ACSL6: variants seen among roughly 807,000 people sequenced by gnomAD.
ACSL6 encodes acyl-CoA synthetase long chain family member 6, also known as long-chain-fatty-acid--CoA ligase 6.
Under a neutral mutation model 98.2 loss-of-function variants are expected in ACSL6, and 47 were observed. The ratio of observed to expected loss-of-function variants is 0.48; its 90% CI spans 0.38 to 0.61. ACSL6 has a LOEUF of 0.61. Ranked by LOEUF, ACSL6 falls within the 20% of genes least tolerant of loss-of-function variation. The pLI is 0.00. For missense variants in ACSL6, 761 were observed against 913.4 expected, an observed-to-expected ratio of 0.83 and a Z score of 2.15; for synonymous variants, 362 against 336.9, an observed-to-expected ratio of 1.07 and a Z score of -0.82.
chr5:131,970,309 G>A, intron 14 of ACSL6, 109 bp from the exon 15 acceptor site: 1 of 938,858 alleles, frequency 1.1e-6, no homozygotes, highest in Admixed American at 1.9e-5. Context: ...ACTGCTTCAT[G>A]ATCAGGGCGA....
intron 17 of ACSL6, among the ~76,000 whole-genome samples, chr5:131,964,611 T>C (rs555331186): frequency 6.6e-6 from 1 of 152,238 alleles, no homozygotes; most frequent in East Asian, 1.9e-4. Flanking sequence ...GCTTTTACAA[T>C]ATTGAGGGCC....
At chr5:131,995,465 G>T (rs1327397727) in intron 1 of ACSL6, among the ~76,000 whole-genome samples, 1 of 152,120 alleles carries the variant, frequency 6.6e-6, no homozygotes, top group African/African-American at 2.4e-5. Flanking sequence ...GCCCAGTGAT[G>T]GCAGGGTGGG....
chr5:131,981,484 A>T (rs1753893830), intron 9 of ACSL6, among the ~76,000 whole-genome samples: 1 of 152,082 alleles, frequency 6.6e-6, no homozygotes, highest in South Asian at 2.1e-4. Flanking sequence ...AGCATCCCAG[A>T]GGCTCCCTTA....
At chr5:131,973,427 A>G in intron 11 of ACSL6, 27 bp from the exon 12 acceptor site, 1 of 1,611,774 alleles carries the variant, frequency 6.2e-7, no homozygotes. Context: ...GGAAGGGAGG[A>G]GTCCCTTAGG....
intron 1 of ACSL6, among the ~76,000 whole-genome samples, chr5:131,995,513 C>T (rs1448458536): frequency 6.6e-6 from 1 of 152,166 alleles, no homozygotes; most frequent in Non-Finnish European, 1.5e-5. Flanking sequence ...GCACCCTCCT[C>T]ACAGGCCCTA....
rs145913002 is a variant in ACSL6 at position 131,966,323 on chromosome 5, G to A, written c.1713+93C>T. ...TGCTCCTGAATGACTCATTGTCAGGGGGGATTTGGAGAAGACTCCTGCCTC... is the reference window on the plus strand; with the variant it reads ...TGCTCCTGAATGACTCATTGTCAGGAGGGATTTGGAGAAGACTCCTGCCTC... On this transcript the variant is annotated intron_variant, in intron 17 of 20. Coordinates refer to ENST00000651883, the MANE Select transcript of ACSL6 (RefSeq NM_001009185.3). 386 of 1,227,238 alleles carry A rather than the reference G, an allele frequency of 3.1e-4. 2 individuals are homozygous for A. The African/African-American group carries it at 4.6e-3, about 15-fold the overall frequency. 76.0% of individuals were successfully genotyped at this position (1,227,238 alleles called of 1,614,324 possible).
chr5:131,986,754 G>C, intron 8 of ACSL6, 68 bp downstream of exon 8: 1 of 1,570,444 alleles, frequency 6.4e-7, no homozygotes, highest in Non-Finnish European at 8.8e-7. Flanking sequence ...TGCACAGTGA[G>C]GGACTCTGTG....
chr5:131,999,785 C>G (rs1271460883), intron 1 of ACSL6, among the ~76,000 whole-genome samples: 1 of 152,200 alleles, frequency 6.6e-6, no homozygotes, highest in Non-Finnish European at 1.5e-5. Context: ...CAGCTCAGAG[C>G]CAAGCAACCC....
intron 2 of ACSL6, among the ~76,000 whole-genome samples, chr5:131,991,814 C>G (rs1391010599): frequency 1.2e-5 from 1 of 84,822 alleles, no homozygotes; most frequent in Non-Finnish European, 4.1e-5. Context: ...AACAGCAGGT[C>G]TAAGGAAAAA....
At chr5:131,997,627 A>C (rs769903854) in intron 1 of ACSL6, among the ~76,000 whole-genome samples, 3 of 152,312 alleles carry the variant, frequency 2.0e-5, no homozygotes, top group South Asian at 2.1e-4. Context: ...CTGGCCTTAC[A>C]TCAAGAACTC....
chr5:132,006,938 CCTAGCA>C (rs1223693926), intron 1 of ACSL6: 1 of 152,150 alleles, frequency 6.6e-6, no homozygotes, highest in African/African-American at 2.4e-5. Context: ...AGCCTAGCAT[CCTAGCA>C]GGAGCACACT....
intron 3 of ACSL6, 84 bp from the exon 4 acceptor site, chr5:131,990,248 G>A: frequency 7.4e-7 from 1 of 1,358,626 alleles, no homozygotes. Context: ...AACCTGGATG[G>A]ACATCCCATA....
At chr5:131,962,133 T>G (rs149352836) in intron 18 of ACSL6, among the ~76,000 whole-genome samples, 2 of 151,728 alleles carry the variant, frequency 1.3e-5, no homozygotes, top group Non-Finnish European at 2.9e-5. Context: ...AGGAGGGAGA[T>G]TGAGGCTGCA....
At chr5:131,975,989 G>C in intron 10 of ACSL6, 10 of 985,462 alleles carry the variant, frequency 1.0e-5, no homozygotes, top group Non-Finnish European at 1.2e-5. Flanking sequence ...CATCTACCAT[G>C]AATGTGGAGT....
intron 1 of ACSL6, among the ~76,000 whole-genome samples, chr5:132,010,325 A>G (rs545750927): frequency 6.6e-6 from 1 of 152,346 alleles, no homozygotes; most frequent in Admixed American, 6.5e-5. Flanking sequence ...AGCACTTAGC[A>G]TTGGTTGATC....
intron 6 of ACSL6, 132 bp downstream of exon 6, chr5:131,988,673 T>C: frequency 6.3e-7 from 1 of 1,589,080 alleles, no homozygotes; most frequent in Non-Finnish European, 8.6e-7. Context: ...GGAGCCACAG[T>C]GTAAGCCCCT....
rs983277981 is a variant in ACSL6 at position 131,994,105 on chromosome 5, C to G, written c.196G>C (p.Ala66Pro). Residue 66 changes from alanine (A) to proline (P), a missense_variant, in exon 2 of 21, where the codon GCC becomes CCC. Transcript: ENST00000651883. ...TTTGGCCGGTGAGTGAACCAGTAGG[C>G]AAGGATGGCAGCCAGGGCACCCATA... Reference protein sequence around the residue: ...VSMGALAAILAYWFTHRPKAL... With the variant: ...VSMGALAAILPYWFTHRPKAL... The G allele has an allele frequency of 6.2e-7, 1 of 1,614,082 alleles. No individual in the cohort carries two copies. Among genetic ancestry groups the G allele is most frequent in the Non-Finnish European group, 8.5e-7 (1 of 1,180,052 alleles).
chr5:131,954,374 A>G lies in ACSL6; in HGVS notation c.2032-3T>C. The G allele has an allele frequency of 6.2e-7, 1 of 1,609,194 alleles. No homozygotes were observed. Among genetic ancestry groups the G allele is most frequent in the Non-Finnish European group, 8.5e-7 (1 of 1,178,690 alleles). On this transcript the variant is annotated splice_region_variant and splice_polypyrimidine_tract_variant and intron_variant, in intron 20 of 20. Transcript: ENST00000651883. ...GAATGGATGTGAATGGCTTTAACCTAAAAACCAAATGCAGAAAACATCTTT... is the reference window on the plus strand; with the variant it reads ...GAATGGATGTGAATGGCTTTAACCTGAAAACCAAATGCAGAAAACATCTTT...
intron 18 of ACSL6, 122 bp from the exon 19 acceptor site, chr5:131,960,743 C>A: frequency 1.5e-6 from 1 of 654,460 alleles, no homozygotes; most frequent in South Asian, 2.2e-5. Context: ...GTTTATAAAA[C>A]ATTTGTTGAT....
Sources: gnomAD v4.1 joint callset for allele counts (sites outside exome capture counted in the v4.1 genomes callset) on GRCh38, gnomAD v4.1.1 for gene constraint, MANE v1.5 for transcripts, NCBI Gene and HGNC (gene_info 2026-07-23, HGNC 2026-07-21) for gene names.